ANXA8: variants seen among roughly 807,000 people sequenced by gnomAD.
ANXA8 encodes annexin A8.
A neutral mutation model predicts 26.8 loss-of-function variants in ANXA8; 9 were observed. That is an observed-to-expected ratio of 0.34 (90% CI 0.20 to 0.59). The LOEUF is 0.59. ANXA8 is among the 20% of genes least tolerant of loss of function. ANXA8 has a pLI of 0.84. For synonymous variants in ANXA8, 39 were observed against 94.8 expected, an observed-to-expected ratio of 0.41 and a Z score of 3.42; for missense variants, 83 against 238.5, an observed-to-expected ratio of 0.35 and a Z score of 4.29.
chr10:47,542,141 TA>T, the ANXA8 span: 6 of 766,288 alleles, frequency 7.8e-6, no homozygotes, highest in Admixed American at 8.2e-5. Flanking sequence ...ATCTTTTTAT[TA>T]AAAATAGAAA....
At chr10:47,470,273 C>G (rs1393288187) in intron 11 of ANXA8, among the ~76,000 whole-genome samples, 1 of 151,284 alleles carries the variant, frequency 6.6e-6, no homozygotes, top group East Asian at 1.9e-4. Context: ...ATGATTCTAA[C>G]TCAATTTTCT....
At chr10:47,567,913 A>C in the ANXA8 span, 11 of 499,484 alleles carry the variant, frequency 2.2e-5, no homozygotes, top group Non-Finnish European at 4.0e-5. Flanking sequence ...TACTTTTTTA[A>C]CCTTTATATG....
chr10:47,694,908 A>G, the ANXA8 span, among the ~76,000 whole-genome samples: 2 of 151,538 alleles, frequency 1.3e-5, no homozygotes, highest in African/African-American at 4.9e-5. Flanking sequence ...CAGTGTTTAA[A>G]GGACAAACAG....
chr10:47,693,343 G>GC, the ANXA8 span, among the ~76,000 whole-genome samples: 1 of 150,394 alleles, frequency 6.6e-6, no homozygotes, highest in South Asian at 2.1e-4. Flanking sequence ...AGGCTAGAGT[G>GC]CAGTGGCGCG....
At chr10:47,682,526 G>C in the ANXA8 span, among the ~76,000 whole-genome samples, 2 of 145,770 alleles carry the variant, frequency 1.4e-5, no homozygotes, top group Admixed American at 7.0e-5. Flanking sequence ...CTGGAGTACA[G>C]TGACGCGATC....
the ANXA8 span, among the ~76,000 whole-genome samples, chr10:47,497,639 A>G: frequency 1.4e-5 from 2 of 143,672 alleles, no homozygotes; most frequent in African/African-American, 5.1e-5. Flanking sequence ...AAACAACAAC[A>G]AAACACCTAT....
the ANXA8 span, among the ~76,000 whole-genome samples, chr10:47,728,662 T>TC: frequency 8.0e-6 from 1 of 124,300 alleles, no homozygotes; most frequent in Non-Finnish European, 1.7e-5. Context: ...GAAGCCTCTC[T>TC]CCGTTTTTTC....
the ANXA8 span, among the ~76,000 whole-genome samples, chr10:47,493,738 C>T: frequency 6.6e-6 from 1 of 150,826 alleles, no homozygotes. Context: ...CCCTTCCCCC[C>T]ACCCCCTCCA....
At chr10:47,715,563 C>T in the ANXA8 span, 1 of 1,211,932 alleles carries the variant, frequency 8.3e-7, no homozygotes, top group Non-Finnish European at 1.2e-6. Context: ...ATTCAACTGA[C>T]TTAATCAGAT....
At chr10:47,685,530 C>A in the ANXA8 span, among the ~76,000 whole-genome samples, 1 of 151,808 alleles carries the variant, frequency 6.6e-6, no homozygotes, top group South Asian at 2.1e-4. Context: ...TTGAATCTCA[C>A]CTTTGATTCT....
the ANXA8 span, among the ~76,000 whole-genome samples, chr10:47,709,147 T>C: frequency 8.3e-5 from 12 of 143,984 alleles, no homozygotes; most frequent in African/African-American, 3.0e-4. Context: ...TTTTAAAAAC[T>C]TTTATTGTAA....
the ANXA8 span, among the ~76,000 whole-genome samples, chr10:47,907,163 G>C: frequency 6.6e-6 from 1 of 151,680 alleles, no homozygotes; most frequent in African/African-American, 2.4e-5. Context: ...AGACCATCCT[G>C]GCTAACACGG....
chr10:47,589,625 G>C, the ANXA8 span: 1 of 146,014 alleles, frequency 6.8e-6, no homozygotes, highest in Non-Finnish European at 1.5e-5. Context: ...TGCCCAGGGA[G>C]AAAGGACAGA....
At chr10:47,721,020 G>A in the ANXA8 span, among the ~76,000 whole-genome samples, 5 of 139,544 alleles carry the variant, frequency 3.6e-5, 1 homozygote, top group East Asian at 8.5e-4. Flanking sequence ...GGTGACATAG[G>A]CCTGTAGTCC....
At chr10:47,491,645 G>A in the ANXA8 span, 600 of 1,540,418 alleles carry the variant, frequency 3.9e-4, 9 homozygotes, top group Middle Eastern at 2.3e-3. Context: ...CCAGGCCCTC[G>A]GCAGCCAGCT....
At chr10:47,499,192 A>T in the ANXA8 span, among the ~76,000 whole-genome samples, 1 of 136,798 alleles carries the variant, frequency 7.3e-6, no homozygotes, top group Non-Finnish European at 1.5e-5. Context: ...AGAATATGGC[A>T]GATTAGCATC....
chr10:47,733,104 A>T, the ANXA8 span, among the ~76,000 whole-genome samples: 1 of 151,856 alleles, frequency 6.6e-6, no homozygotes, highest in African/African-American at 2.4e-5. Context: ...GCACAGTTGA[A>T]TCCATTGGCC....
chr10:47,516,646 T>C, the ANXA8 span, among the ~76,000 whole-genome samples: 2 of 137,314 alleles, frequency 1.5e-5, no homozygotes, highest in Non-Finnish European at 3.1e-5. Context: ...ACATTGAGCA[T>C]ATCTAGGGAA....
At chr10:47,488,960 C>T (rs1348471331), upstream of ANXA8, among the ~76,000 whole-genome samples, 204 of 148,582 alleles carry the variant, frequency 1.4e-3, no homozygotes, top group African/African-American at 4.7e-3. Flanking sequence ...CATGATCCGC[C>T]CACCTCAGCC....
Sources: allele counts gnomAD v4.1 joint callset (sites outside exome capture counted in the v4.1 genomes callset), GRCh38; gene constraint gnomAD v4.1.1; transcripts MANE v1.5; gene names NCBI Gene and HGNC (gene_info 2026-07-23, HGNC 2026-07-21).